The following ATXN7L1 variants were observed in gnomAD, a reference collection of about 807,000 sequenced individuals.
ATXN7L1 encodes ataxin 7 like 1.
In ATXN7L1, 15 loss-of-function variants were observed where a neutral mutation model predicts 70.8. The ratio of observed to expected loss-of-function variants is 0.21; its 90% CI spans 0.14 to 0.33. The LOEUF is 0.33. Ranked by LOEUF, ATXN7L1 falls within the 10% of genes least tolerant of loss-of-function variation. ATXN7L1 has a pLI of 1.00. For synonymous variants in ATXN7L1, 440 were observed against 445.1 expected (o/e 0.99, Z 0.14); for missense variants, 975 against 1,097.1 (o/e 0.89, Z 1.57).
chr7:105,729,443 T>C (rs1796278962), intron 3 of ATXN7L1, among the ~76,000 whole-genome samples: 1 of 151,332 alleles, frequency 6.6e-6, no homozygotes, highest in South Asian at 2.1e-4. Context: ...TTTTTTTTTT[T>C]TTTTGAGGCA....
intron 3 of ATXN7L1, among the ~76,000 whole-genome samples, chr7:105,698,717 A>C (rs1792059017): frequency 6.6e-6 from 1 of 152,154 alleles, no homozygotes; most frequent in Admixed American, 6.5e-5. Context: ...CCAGTACTGC[A>C]TTACAGTTTG....
intron 3 of ATXN7L1, chr7:105,691,545 A>C (rs1211408652): frequency 3.3e-5 from 5 of 152,084 alleles, no homozygotes; most frequent in Non-Finnish European, 7.4e-5. Flanking sequence ...AGAAATGTAA[A>C]CTAAAACCAC....
intron 3 of ATXN7L1, among the ~76,000 whole-genome samples, chr7:105,689,328 G>A (rs1790426644): frequency 6.6e-6 from 1 of 152,204 alleles, no homozygotes; most frequent in South Asian, 2.1e-4. Context: ...GCCAATGTCT[G>A]GAGGGCCTGG....
chr7:105,670,758 T>C (rs1428826388), intron 3 of ATXN7L1, among the ~76,000 whole-genome samples: 1 of 151,720 alleles, frequency 6.6e-6, no homozygotes, highest in Non-Finnish European at 1.5e-5. Flanking sequence ...GGTCAAGAGA[T>C]TGAGACCACC....
chr7:105,609,299 A>C (rs1792951677), intron 11 of ATXN7L1, among the ~76,000 whole-genome samples: 1 of 151,498 alleles, frequency 6.6e-6, no homozygotes, highest in African/African-American at 2.4e-5. Flanking sequence ...CCTCCTGAGT[A>C]GCTGGGATTA....
chr7:105,636,932 G>C (rs1797475152), intron 7 of ATXN7L1, among the ~76,000 whole-genome samples: 1 of 152,208 alleles, frequency 6.6e-6, no homozygotes. Context: ...AAAAGTCGCT[G>C]TATATACAAT....
intron 2 of ATXN7L1, among the ~76,000 whole-genome samples, chr7:105,844,492 C>T (rs1813682229): frequency 6.6e-6 from 1 of 152,206 alleles, no homozygotes. Context: ...ACTATCATCT[C>T]AACGGACACA....
At chr7:105,724,390 G>A (rs762049527) in intron 3 of ATXN7L1, among the ~76,000 whole-genome samples, 12 of 151,314 alleles carry the variant, frequency 7.9e-5, no homozygotes, top group Admixed American at 1.3e-4. Flanking sequence ...TCTGGCCAAC[G>A]TGGCAAAACC....
At chr7:105,682,401 A>G (rs772558037) in intron 3 of ATXN7L1, among the ~76,000 whole-genome samples, 11 of 152,350 alleles carry the variant, frequency 7.2e-5, no homozygotes, top group African/African-American at 2.4e-4. Context: ...TAGAATTACC[A>G]TATGGACCAA....
chr7:105,812,546 C>T (rs147382399), intron 2 of ATXN7L1, among the ~76,000 whole-genome samples: 3 of 152,278 alleles, frequency 2.0e-5, no homozygotes, highest in Non-Finnish European at 2.9e-5. Context: ...TGTCTTTACT[C>T]GAGTCCTTAA....
In ATXN7L1 at chr7:105,868,425, T is replaced by C. The variant is rs116544391; in HGVS notation, c.250+7387A>G. Among the ~76,000 whole-genome samples, 476 of 152,188 alleles carry C rather than the reference T, an allele frequency of 3.1e-3. 3 individuals carry two copies. The highest frequency in any genetic ancestry group is 0.01 in the African/African-American group (435 of 41,516). ...ACACATAAGGGAGGCTGAGAAACAG[T>C]TGAGCGTATTAAAAACTTGGCAAGA... On this transcript the variant is annotated intron_variant, in intron 2 of 11. Transcript: ENST00000419735.
intron 2 of ATXN7L1, among the ~76,000 whole-genome samples, chr7:105,802,253 C>T (rs991862209): frequency 6.6e-6 from 1 of 151,938 alleles, no homozygotes; most frequent in African/African-American, 2.4e-5. Flanking sequence ...TGCCCAGTGG[C>T]CTCCATACCT....
intron 10 of ATXN7L1, among the ~76,000 whole-genome samples, chr7:105,611,039 C>T (rs1194280995): frequency 6.6e-6 from 1 of 152,264 alleles, no homozygotes; most frequent in African/African-American, 2.4e-5. Context: ...CTCAGCCTGG[C>T]TGCAGATAAA....
At chr7:105,628,984 T>A (rs1394856647) in intron 7 of ATXN7L1, among the ~76,000 whole-genome samples, 1 of 151,810 alleles carries the variant, frequency 6.6e-6, no homozygotes, top group Admixed American at 6.6e-5. Flanking sequence ...TTTTTATTTT[T>A]TAGAGACACG....
At chr7:105,717,751 T>C (rs1794737927) in intron 3 of ATXN7L1, among the ~76,000 whole-genome samples, 1 of 152,212 alleles carries the variant, frequency 6.6e-6, no homozygotes, top group East Asian at 1.9e-4. Context: ...GTCATTTTCA[T>C]AAGTGAAAAA....
intron 4 of ATXN7L1, among the ~76,000 whole-genome samples, chr7:105,658,444 T>A (rs1801033240): frequency 6.6e-6 from 1 of 151,872 alleles, no homozygotes; most frequent in African/African-American, 2.4e-5. Context: ...TATCTAAATA[T>A]AGAAAAGCTA....
At chr7:105,613,193 G>A (rs919767396) in intron 10 of ATXN7L1, among the ~76,000 whole-genome samples, 1 of 152,216 alleles carries the variant, frequency 6.6e-6, no homozygotes, top group African/African-American at 2.4e-5. Flanking sequence ...TTCCCAGACT[G>A]CGCCACACTC....
intron 3 of ATXN7L1, among the ~76,000 whole-genome samples, chr7:105,715,224 GTA>G (rs1794396374): frequency 6.6e-6 from 1 of 152,172 alleles, no homozygotes; most frequent in Admixed American, 6.5e-5. Flanking sequence ...CCAGCAGAAG[GTA>G]CAAGCTTGGA....
chr7:105,774,563 G>A (rs1015622440), intron 3 of ATXN7L1, among the ~76,000 whole-genome samples: 1 of 152,006 alleles, frequency 6.6e-6, no homozygotes, highest in Admixed American at 6.6e-5. Context: ...ATGTTGGCCA[G>A]GCTGGTCTCC....
Sources: gnomAD v4.1 joint callset for allele counts (sites outside exome capture counted in the v4.1 genomes callset) on GRCh38, gnomAD v4.1.1 for gene constraint, MANE v1.5 for transcripts, NCBI Gene and HGNC (gene_info 2026-07-23, HGNC 2026-07-21) for gene names.